SEPTIN10: variants seen among roughly 807,000 people sequenced by gnomAD.
The protein encoded by SEPTIN10 is septin-10.
Under a neutral mutation model 54.8 loss-of-function variants are expected in SEPTIN10, and 66 were observed. The ratio of observed to expected loss-of-function variants is 1.21; its 90% CI spans 0.99 to 1.48. SEPTIN10 has a LOEUF of 1.48. Among genes scored for constraint, SEPTIN10 ranks in the 40% most tolerant of loss-of-function variants. The pLI is 0.00. For synonymous variants in SEPTIN10, 161 were observed against 181.0 expected (o/e 0.89, Z 0.89); for missense variants, 620 against 545.6 (o/e 1.14, Z -1.36).
chr2:109,547,376 T>TG (rs951167779), intron 9 of SEPTIN10, among the ~76,000 whole-genome samples: 1 of 151,664 alleles, frequency 6.6e-6, no homozygotes, highest in Non-Finnish European at 1.5e-5. Context: ...CTTGTTTTTT[T>TG]TTTTTTTTTT....
rs550653962 is a variant in SEPTIN10, at chr2:109,549,112, T to C, written c.1162-2875A>G. Among the ~76,000 whole-genome samples the C allele has an allele frequency of 3.0e-4, 45 of 152,296 alleles. 1 individual carries two copies. In the South Asian group the frequency reaches 9.1e-3, roughly 31 times the overall value. The stretch of plus-strand genomic sequence containing the variant: ...AAGTTACATGTTAGGTATGTGTGTG[T>C]GTTTAAAGGGCACACTCCCCAGATG... On this transcript the variant is annotated intron_variant, in intron 9 of 10. Coordinates refer to ENST00000397712, the MANE Select transcript of SEPTIN10 (RefSeq NM_144710.5).
intron 1 of SEPTIN10, among the ~76,000 whole-genome samples, chr2:109,602,854 C>T (rs543928187): frequency 6.7e-6 from 1 of 149,400 alleles, no homozygotes; most frequent in Non-Finnish European, 1.5e-5. Flanking sequence ...GAAATAGATA[C>T]CCATTAAAAG....
At position 109,543,162 on chromosome 2, in the gene SEPTIN10, G is replaced by A. The variant is rs926971882; in HGVS notation, c.*1147C>T. 1.3e-5 allele frequency: 2 copies of A among 152,446 alleles called. No individual in the cohort carries two copies. The allele number at this position is 152,446 out of a possible 1,614,324, so 9.4% of individuals were successfully genotyped here. A position where few individuals can be genotyped will look rare whatever the true frequency, so the allele number is the denominator to read the frequency against. ...ATACCACCTGAAATATGAATTATGTGCATTTTTATATCTTTAATATTCAGA... is the reference window on the plus strand; with the variant it reads ...ATACCACCTGAAATATGAATTATGTACATTTTTATATCTTTAATATTCAGA... On this transcript the variant is annotated 3_prime_UTR_variant, in exon 11 of 11. Transcript: ENST00000397712.
chr2:109,566,004 G>T, intron 6 of SEPTIN10, 145 bp from the exon 7 acceptor site: 1 of 713,716 alleles, frequency 1.4e-6, no homozygotes, highest in East Asian at 2.7e-5. Flanking sequence ...TTTAAAACCT[G>T]CCAGTGAATA....
intron 4 of SEPTIN10, among the ~76,000 whole-genome samples, chr2:109,579,111 T>A (rs916951425): frequency 2.6e-5 from 4 of 152,184 alleles, no homozygotes; most frequent in African/African-American, 9.6e-5. Context: ...TTACAGATGA[T>A]GAAGACAATA....
chr2:109,609,893 G>A (rs1019733020), intron 1 of SEPTIN10, among the ~76,000 whole-genome samples: 7 of 151,942 alleles, frequency 4.6e-5, no homozygotes, highest in African/African-American at 1.7e-4. Flanking sequence ...GGCAGTCAGT[G>A]GACTGTACTC....
Position 109,555,857 on chromosome 2 carries a change from G to C in SEPTIN10, c.1029-2638C>G, listed in dbSNP as rs181857510. Among the ~76,000 whole-genome samples, 189 of 152,244 alleles carry C rather than the reference G, an allele frequency of 1.2e-3. 2 individuals are homozygous for C. Among genetic ancestry groups the C allele is most frequent in the Non-Finnish European group, 1.6e-4 (11 of 68,020 alleles). ...GCCCCTTCCTTTAAAACAGTTTCTT[G>C]TAAGTTTTCATTTCTGTGTTCATCC... On this transcript the variant is annotated intron_variant, in intron 8 of 10. Coordinates refer to ENST00000397712, the MANE Select transcript of SEPTIN10 (RefSeq NM_144710.5).
intron 9 of SEPTIN10, among the ~76,000 whole-genome samples, chr2:109,549,962 C>T (rs1034034861): frequency 1.3e-5 from 2 of 152,066 alleles, no homozygotes; most frequent in African/African-American, 4.8e-5. Flanking sequence ...GACTACTGTA[C>T]AATGCTGTAT....
At chr2:109,566,289 T>C in intron 6 of SEPTIN10, among the ~76,000 whole-genome samples, 1 of 151,746 alleles carries the variant, frequency 6.6e-6, no homozygotes, top group Non-Finnish European at 1.5e-5. Context: ...TCCAGCTAAT[T>C]TTTGCATTTT....
At chr2:109,550,776 C>T (rs977246384) in intron 9 of SEPTIN10, among the ~76,000 whole-genome samples, 3 of 152,178 alleles carry the variant, frequency 2.0e-5, no homozygotes, top group Non-Finnish European at 4.4e-5. Flanking sequence ...CCAGGGCTCT[C>T]GGCTGCCCTC....
At position 109,544,127 on chromosome 2, in the gene SEPTIN10, C is replaced by T. The variant is rs775265178; in HGVS notation, c.*182G>A. ...GAGATGCTCAACTTGTAGTATCATT[C>T]ACTCTGGCTTATGTATTGACCTTGT... is the stretch of plus-strand genomic sequence containing the variant. On this transcript the variant is annotated 3_prime_UTR_variant, in exon 11 of 11. Transcript: ENST00000397712. 1 of 1,526,774 alleles carries T rather than the reference C, an allele frequency of 6.5e-7. No homozygotes were observed. Among genetic ancestry groups the T allele is most frequent in the South Asian group, 1.2e-5 (1 of 83,012 alleles). 94.6% of individuals were successfully genotyped at this position (1,526,774 alleles called of 1,614,324 possible). A position where few individuals can be genotyped will look rare whatever the true frequency, so the allele number is the denominator to read the frequency against.
intron 8 of SEPTIN10, 74 bp downstream of exon 8, chr2:109,564,292 C>G: frequency 7.7e-7 from 1 of 1,299,464 alleles, no homozygotes. Context: ...CATGCCCCAT[C>G]ATCCTGGATA....
intron 5 of SEPTIN10, among the ~76,000 whole-genome samples, chr2:109,569,367 G>A (rs1687822400): frequency 6.6e-6 from 1 of 151,130 alleles, no homozygotes; most frequent in Admixed American, 6.6e-5. Flanking sequence ...GGAGGCAGAG[G>A]TTGCAGTGAG....
chr2:109,602,945 C>T (rs182869316), intron 1 of SEPTIN10, among the ~76,000 whole-genome samples: 4 of 149,672 alleles, frequency 2.7e-5, no homozygotes, highest in Admixed American at 1.3e-4. Flanking sequence ...GTGGTGTGTA[C>T]CTGTGGAAAC....
Position 109,565,848 on chromosome 2 carries a change from C to T in SEPTIN10, c.774G>A (p.Pro258=), listed in dbSNP as rs749478292. 105 of 1,613,894 alleles carry T rather than the reference C, an allele frequency of 6.5e-5. No individual in the cohort carries two copies. The highest frequency in any genetic ancestry group is 7.4e-5 in the Non-Finnish European group (87 of 1,179,940). The change falls in exon 7 of 11, where the codon CCG becomes CCA. Residue 258 remains proline, a synonymous_variant. Transcript: ENST00000397712. ...CATCCATACTTCCCACAACAGCAAA[C>T]GGCAACTGTCCCTGAAAAAGAATAT... is the stretch of plus-strand genomic sequence containing the variant. ...KVNAAMNGQL[P]FAVVGSMDEV...
In SEPTIN10 at chr2:109,553,238, T is replaced by G. The variant is rs1683470988; in HGVS notation, c.1029-19A>C. On this transcript the variant is annotated intron_variant, in intron 8 of 10. Coordinates refer to ENST00000397712, the MANE Select transcript of SEPTIN10 (RefSeq NM_144710.5). The stretch of plus-strand genomic sequence containing the variant: ...TTGAACACTAAAAAGTTATTTGTGT[T>G]ACTCTCCTGCTAAAAAGTGATATAG... 1 of 1,612,304 alleles carries G rather than the reference T, an allele frequency of 6.2e-7. No homozygotes were observed. Among genetic ancestry groups the G allele is most frequent in the African/African-American group, 1.3e-5 (1 of 74,798 alleles).
chr2:109,567,896 A>C lies in SEPTIN10; in HGVS notation c.681T>G (p.Ser227Arg), dbSNP rs931268306. 2.5e-6 allele frequency: 4 copies of C among 1,613,814 alleles called. No homozygotes were observed. The South Asian group carries it at 4.4e-5, about 18-fold the overall frequency. ...TCTGGACGCCATTGCTGACCAATTCACTCATGAGCTTGATCTTAAACTTCT... is the reference window on the plus strand; with the variant it reads ...TCTGGACGCCATTGCTGACCAATTCCCTCATGAGCTTGATCTTAAACTTCT... ...ELQKFKIKLM[S>R]ELVSNGVQIY... Residue 227 changes from serine to arginine, a missense_variant, in exon 6 of 11, where the codon AGT (serine) becomes AGG (arginine). By Grantham distance (110) the Ser-to-Arg change is moderately radical. Transcript: ENST00000397712.
intron 1 of SEPTIN10, among the ~76,000 whole-genome samples, chr2:109,602,682 A>T (rs1472712481): frequency 4.6e-4 from 65 of 140,194 alleles, no homozygotes; most frequent in Non-Finnish European, 7.7e-4. Context: ...TCTCAAATTA[A>T]AAAAAAAAAA....
chr2:109,545,943 G>A lies in SEPTIN10; in HGVS notation c.1349+107C>T, dbSNP rs1681101561. 2.0e-6 allele frequency: 3 copies of A among 1,468,248 alleles called. No individual in the cohort carries two copies. In the South Asian group the frequency reaches 4.3e-5, roughly 21 times the overall value. The allele number at this position is 1,468,248 out of a possible 1,614,324, so 91.0% of individuals were successfully genotyped here. On this transcript the variant is annotated intron_variant, in intron 10 of 10. Coordinates refer to ENST00000397712, the MANE Select transcript of SEPTIN10 (RefSeq NM_144710.5). ...CAGGAGCTGACATTTAGTTGGAGAA[G>A]GAAGACAAAGCATAAGGAAGCAGAA... is the stretch of plus-strand genomic sequence containing the variant.
Sources: gnomAD v4.1 joint callset for allele counts (sites outside exome capture counted in the v4.1 genomes callset) on GRCh38, gnomAD v4.1.1 for gene constraint, MANE v1.5 for transcripts, NCBI Gene and HGNC (gene_info 2026-07-23, HGNC 2026-07-21) for gene names.